Variants in DOCK9 observed in about 807,000 individuals in gnomAD.
The protein encoded by DOCK9 is dedicator of cytokinesis 9.
A neutral mutation model predicts 263.3 loss-of-function variants in DOCK9; 89 were observed. The observed-to-expected ratio is 0.34, with a 90% CI of 0.28 to 0.40. The LOEUF (loss-of-function observed/expected upper bound fraction) is 0.40. Ranked by LOEUF, DOCK9 falls within the 10% of genes least tolerant of loss-of-function variation. The pLI is 1.00. For synonymous variants in DOCK9, 976 were observed against 973.1 expected, an observed-to-expected ratio of 1.00 and a Z score of -0.06; for missense variants, 2,140 against 2,603.4, an observed-to-expected ratio of 0.82 and a Z score of 3.87.
intron 1 of DOCK9, among the ~76,000 whole-genome samples, chr13:99,054,372 C>A (rs2040830355): frequency 6.6e-6 from 1 of 152,200 alleles, no homozygotes; most frequent in Non-Finnish European, 1.5e-5. Flanking sequence ...TCTAGACCAA[C>A]ATAGCCTCAC....
intron 2 of DOCK9, among the ~76,000 whole-genome samples, chr13:98,934,363 T>A (rs2140366496): frequency 6.6e-6 from 1 of 152,278 alleles, no homozygotes; most frequent in South Asian, 2.1e-4. Flanking sequence ...TCCCAGCTGG[T>A]CTCGGCCATT....
chr13:98,835,721 T>G (rs2092966579), intron 39 of DOCK9, among the ~76,000 whole-genome samples: 2 of 148,428 alleles, frequency 1.3e-5, no homozygotes, highest in South Asian at 4.3e-4. Context: ...ACAAATACTC[T>G]TCTTTACAAC....
intron 1 of DOCK9, among the ~76,000 whole-genome samples, chr13:99,060,898 C>T (rs1462417441): frequency 6.6e-6 from 1 of 152,148 alleles, no homozygotes; most frequent in Non-Finnish European, 1.5e-5. Context: ...TGGTGTGTAA[C>T]AATACTCAGT....
chr13:98,903,159 A>T, intron 10 of DOCK9, 47 bp from the exon 11 acceptor site: 2 of 1,389,720 alleles, frequency 1.4e-6, no homozygotes, highest in Non-Finnish European at 1.9e-6. Flanking sequence ...CTCTTATTTT[A>T]AAAAAACATC....
intron 13 of DOCK9, among the ~76,000 whole-genome samples, chr13:98,901,177 T>G (rs1595129765): frequency 1.3e-5 from 2 of 152,338 alleles, no homozygotes; most frequent in Admixed American, 1.3e-4. Flanking sequence ...AAAGCACATC[T>G]TGGACTAGAT....
intron 38 of DOCK9, chr13:98,845,227 G>T: frequency 1.3e-6 from 1 of 765,106 alleles, no homozygotes; most frequent in Non-Finnish European, 1.9e-6. Flanking sequence ...CTTTTGTAAA[G>T]TTAGAAAGCC....
chr13:98,992,972 C>G (rs535729775), intron 1 of DOCK9, among the ~76,000 whole-genome samples: 24 of 152,224 alleles, frequency 1.6e-4, no homozygotes, highest in African/African-American at 4.6e-4. Context: ...TCTGAAAGAG[C>G]ATGGTGTGTT....
At chr13:99,013,706 T>G (rs1192980000) in intron 1 of DOCK9, among the ~76,000 whole-genome samples, 1 of 151,230 alleles carries the variant, frequency 6.6e-6, no homozygotes, top group Non-Finnish European at 1.5e-5. Context: ...CAGAACGAGG[T>G]GAGGAATGAG....
chr13:99,015,952 A>T (rs762865660), intron 1 of DOCK9: 8 of 228,582 alleles, frequency 3.5e-5, no homozygotes, highest in Non-Finnish European at 6.0e-5. Context: ...TCTACTGGAA[A>T]ACTGCCGGCT....
chr13:99,038,672 T>C (rs1888178950), intron 1 of DOCK9, among the ~76,000 whole-genome samples: 1 of 152,148 alleles, frequency 6.6e-6, no homozygotes, highest in Non-Finnish European at 1.5e-5. Flanking sequence ...TCACACCCTG[T>C]CCCTTGAAAA....
chr13:98,885,884 C>T, intron 19 of DOCK9, 53 bp from the exon 20 acceptor site: 1 of 1,550,336 alleles, frequency 6.5e-7, no homozygotes, highest in Non-Finnish European at 8.7e-7. Context: ...CAGAAACTCT[C>T]AGTGGAAGCA....
intron 1 of DOCK9, among the ~76,000 whole-genome samples, chr13:99,024,670 G>A (rs150524204): frequency 2.0e-5 from 3 of 152,270 alleles, no homozygotes; most frequent in South Asian, 4.1e-4. Context: ...CCTTGAGGGC[G>A]AAGAGGAAAA....
At chr13:98,959,552 C>T (rs563795736) in intron 1 of DOCK9, 19 of 152,356 alleles carry the variant, frequency 1.2e-4, no homozygotes, top group African/African-American at 4.3e-4. Context: ...AAGAACAAGG[C>T]AAAAAGCTCT....
intron 33 of DOCK9, 148 bp from the exon 34 acceptor site, chr13:98,856,179 T>G (rs1566734260): frequency 6.8e-6 from 5 of 730,872 alleles, no homozygotes; most frequent in Admixed American, 5.7e-5. Context: ...ACTTCACCTT[T>G]AAAGAACCAG....
chr13:98,881,757 G>A, intron 24 of DOCK9, 130 bp from the exon 25 acceptor site: 1 of 1,231,320 alleles, frequency 8.1e-7, no homozygotes, highest in Non-Finnish European at 1.2e-6. Flanking sequence ...GAATTAGATG[G>A]GGTCCTTACA....
chr13:98,903,515 G>C (rs2048618238), intron 10 of DOCK9, among the ~76,000 whole-genome samples: 1 of 150,198 alleles, frequency 6.7e-6, no homozygotes, highest in South Asian at 2.1e-4. Context: ...CAGGAGAATG[G>C]TGTGAACCCA....
At chr13:98,797,080 G>A (rs780268428) in intron 52 of DOCK9, 35 bp downstream of exon 52, 2 of 1,613,148 alleles carry the variant, frequency 1.2e-6, no homozygotes, top group East Asian at 4.5e-5. Flanking sequence ...CCCTAACCAA[G>A]AACTCCAAGT....
intron 1 of DOCK9, among the ~76,000 whole-genome samples, chr13:99,038,143 A>ATATTT (rs1219154648): frequency 1.6e-4 from 24 of 152,170 alleles, no homozygotes. Context: ...CTTTAAGGCA[A>ATATTT]TATTTTCACA....
intron 10 of DOCK9, among the ~76,000 whole-genome samples, 193 bp downstream of exon 10, chr13:98,904,439 T>C (rs936064538): frequency 5.9e-5 from 9 of 152,238 alleles, no homozygotes; most frequent in African/African-American, 2.2e-4. Flanking sequence ...CTATTGAATA[T>C]CAAATATTCA....
Sources: allele counts gnomAD v4.1 joint callset (sites outside exome capture counted in the v4.1 genomes callset), GRCh38; gene constraint gnomAD v4.1.1; transcripts MANE v1.5; gene names NCBI Gene and HGNC (gene_info 2026-07-23, HGNC 2026-07-21).